PIKFYVE: variants seen among roughly 807,000 people sequenced by gnomAD.
The protein encoded by PIKFYVE is 1-phosphatidylinositol 3-phosphate 5-kinase.
PIKFYVE carries 122 observed loss-of-function variants against 257.9 expected under a neutral mutation model. That is an observed-to-expected ratio of 0.47 (90% CI 0.41 to 0.55). The LOEUF (loss-of-function observed/expected upper bound fraction) is 0.55. PIKFYVE is among the 20% of genes least tolerant of loss of function. The probability of loss-of-function intolerance (pLI) is 0.00; values close to 1 mark genes in which losing one functional copy is unlikely to be tolerated. For synonymous variants in PIKFYVE, 892 were observed against 868.9 expected, an observed-to-expected ratio of 1.03 and a Z score of -0.47; for missense variants, 2,160 against 2,536.6, an observed-to-expected ratio of 0.85 and a Z score of 3.19.
intron 11 of PIKFYVE, 108 bp downstream of exon 11, chr2:208,304,426 C>T: frequency 7.1e-7 from 1 of 1,415,438 alleles, no homozygotes; most frequent in Non-Finnish European, 9.8e-7. Context: ...ATTTATGGCT[C>T]CAACTAAATG....
intron 4 of PIKFYVE, 55 bp downstream of exon 4, chr2:208,276,885 C>T (rs1241185627): frequency 2.8e-6 from 4 of 1,425,938 alleles, no homozygotes; most frequent in Non-Finnish European, 3.9e-6. Context: ...GGGATCATGC[C>T]ATACCTAATG....
intron 5 of PIKFYVE, among the ~76,000 whole-genome samples, chr2:208,278,210 A>G (rs182766797): frequency 8.5e-5 from 13 of 152,292 alleles, no homozygotes; most frequent in African/African-American, 3.1e-4. Context: ...GGAGTAGAAG[A>G]TAGTCAGAAA....
chr2:208,335,373 CCATTAAAAGTGTCCCTT>C lies in PIKFYVE; in HGVS notation c.4212_4228del (p.Leu1405SerfsTer18), dbSNP rs1698016077. 1 of 1,612,536 alleles carries C rather than the reference CCATTAAAAGTGTCCCTT, an allele frequency of 6.2e-7. No individual in the cohort carries two copies. Among genetic ancestry groups the C allele is most frequent in the Admixed American group, 1.7e-5 (1 of 59,988 alleles). Reference sequence around the variant, plus strand: ...CAAAATATTCATTAAGCGTCAGGCCCCATTAAAAGTGTCCCTTCTTCAGGATCTGAAGGACTTCTTTC... The same window carrying C: ...CAAAATATTCATTAAGCGTCAGGCCCCTTCAGGATCTGAAGGACTTCTTTC... On this transcript the variant is annotated frameshift_variant, in exon 25 of 42. Coordinates refer to ENST00000264380, the MANE Select transcript of PIKFYVE (RefSeq NM_015040.4). LOFTEE classifies it high-confidence loss of function.
At chr2:208,330,371 C>T (rs1697395386) in intron 22 of PIKFYVE, 152 bp from the exon 23 acceptor site, 2 of 868,830 alleles carry the variant, frequency 2.3e-6, no homozygotes, top group Non-Finnish European at 3.7e-6. Flanking sequence ...TGGAAACTAT[C>T]ACCGTGCTGT....
At chr2:208,319,312 T>C (rs914403177) in intron 16 of PIKFYVE, among the ~76,000 whole-genome samples, 1 of 152,262 alleles carries the variant, frequency 6.6e-6, no homozygotes, top group African/African-American at 2.4e-5. Context: ...TTTGTACTTA[T>C]CGCGTATTTT....
Position 208,276,579 on chromosome 2 carries a change from C to T in PIKFYVE, c.323-133C>T, listed in dbSNP as rs913025256. 5.3e-6 allele frequency: 4 copies of T among 761,416 alleles called. No individual in the cohort carries two copies. The African/African-American group carries it at 6.9e-5, about 13-fold the overall frequency. The allele number at this position is 761,416 out of a possible 1,614,324, so 47.2% of individuals were successfully genotyped here. A position where few individuals can be genotyped will look rare whatever the true frequency, so the allele number is the denominator to read the frequency against. ...CCTTATAAAGACTTGTTTTAACTCT[C>T]AATTCATATAACCGGGTGGGAGAAC... On this transcript the variant is annotated intron_variant, in intron 3 of 41. Transcript: ENST00000264380.
chr2:208,324,167 T>G lies in PIKFYVE; in HGVS notation c.2216T>G (p.Val739Gly). The change falls in exon 18 of 42, where the codon GTC becomes GGC. Residue 739 changes from valine (V) to glycine (G), a missense_variant. Transcript: ENST00000264380. ...GAAAGGGAATTCTTGAAGAATTATG[T>G]CCAGCGAATAGTTGATGTTCGACCC... ...LQEREFLKNY[V>G]QRIVDVRPTL... 6.2e-7 allele frequency: 1 copy of G among 1,613,840 alleles called. No individual in the cohort carries two copies. Among genetic ancestry groups the G allele is most frequent in the South Asian group, 1.1e-5 (1 of 91,078 alleles).
In PIKFYVE at chr2:208,324,221, C is replaced by T; in HGVS notation, c.2270C>T (p.Ser757Phe). ...PTLVLVEKTV[S>F]RIAQDMLLEH... is the part of the protein sequence containing the mutation. Reference sequence around the variant, plus strand: ...TTGGTTCTTGTTGAGAAAACAGTGTCTCGGATTGCCCAGGACATGTTATTG... The same window carrying T: ...TTGGTTCTTGTTGAGAAAACAGTGTTTCGGATTGCCCAGGACATGTTATTG... The change falls in exon 18 of 42, where the codon TCT becomes TTT. Residue 757 changes from serine to phenylalanine, a missense_variant. By Grantham distance (155) the Ser-to-Phe change is radical. This residue lies in a region of PIKFYVE where 346 missense variants were observed against 365.6 expected (regional missense o/e 0.95). Coordinates refer to ENST00000264380, the MANE Select transcript of PIKFYVE (RefSeq NM_015040.4). 1 of 1,613,954 alleles carries T rather than the reference C, an allele frequency of 6.2e-7. No individual in the cohort carries two copies. The highest frequency in any genetic ancestry group is 8.5e-7 in the Non-Finnish European group (1 of 1,179,934).
At chr2:208,288,009 A>G (rs967194902) in intron 6 of PIKFYVE, among the ~76,000 whole-genome samples, 16 of 152,322 alleles carry the variant, frequency 1.1e-4, no homozygotes, top group African/African-American at 3.8e-4. Flanking sequence ...AACAATATGA[A>G]GTATAGAGTT....
Position 208,285,885 on chromosome 2 carries a change from G to C in PIKFYVE, c.773G>C (p.Arg258Thr). Reference sequence around the variant, plus strand: ...GAACCCCGAACACCTGTTGGGAGTAGGAAAGCCAGCCGTAACATATTTTTA... The same window carrying C: ...GAACCCCGAACACCTGTTGGGAGTACGAAAGCCAGCCGTAACATATTTTTA... ...PSEPRTPVGSRKASRNIFLED... is the reference protein window; with the variant it reads ...PSEPRTPVGSTKASRNIFLED... The change falls in exon 6 of 42, where the codon AGG (arginine) becomes ACG (threonine). Residue 258 changes from arginine (R) to threonine (T), a missense_variant. Transcript: ENST00000264380. 1 of 1,614,138 alleles carries C rather than the reference G, an allele frequency of 6.2e-7. No individual in the cohort carries two copies. Among genetic ancestry groups the C allele is most frequent in the Non-Finnish European group, 8.5e-7 (1 of 1,180,022 alleles).
At chr2:208,266,791 G>T (rs1688693355) in intron 1 of PIKFYVE, among the ~76,000 whole-genome samples, 1 of 152,194 alleles carries the variant, frequency 6.6e-6, no homozygotes, top group African/African-American at 2.4e-5. Flanking sequence ...AGGCGCATCC[G>T]TAGGCTGGAA....
chr2:208,292,827 G>A (rs2125235520), intron 7 of PIKFYVE, among the ~76,000 whole-genome samples: 1 of 151,972 alleles, frequency 6.6e-6, no homozygotes, highest in South Asian at 2.1e-4. Context: ...GTTTCTTGTA[G>A]ACAATGTATT....
chr2:208,301,862 T>C (rs911990499), intron 9 of PIKFYVE, among the ~76,000 whole-genome samples: 27 of 152,262 alleles, frequency 1.8e-4, no homozygotes, highest in African/African-American at 6.5e-4. Flanking sequence ...CACACACACA[T>C]TTTATGGCTG....
chr2:208,319,387 TTTAAAGGAGA>T (rs1695940952), intron 16 of PIKFYVE, among the ~76,000 whole-genome samples: 1 of 152,244 alleles, frequency 6.6e-6, no homozygotes. Context: ...CACATTACCC[TTTAAAGGAGA>T]ACTTTAAACC....
In PIKFYVE at chr2:208,315,211, C is replaced by G; in HGVS notation, c.1845C>G (p.His615Gln). ...TTTGTAGTTCAGCTAATCATAACCA[C>G]ATGATGGCACTACTCCAGCAGTTGC... The part of the protein sequence containing the change: ...MERLLSANHN[H>Q]MMALLQQLLH... Residue 615 changes from histidine to glutamine, a missense_variant, in exon 15 of 42, where the codon CAC (histidine) becomes CAG (glutamine). Physicochemically the swap from His to Gln is conservative, Grantham distance 24 (BLOSUM62 0). This residue lies in a region of PIKFYVE where 346 missense variants were observed against 365.6 expected (regional missense o/e 0.95). Coordinates refer to ENST00000264380, the MANE Select transcript of PIKFYVE (RefSeq NM_015040.4). 1 of 1,613,870 alleles carries G rather than the reference C, an allele frequency of 6.2e-7. No individual in the cohort carries two copies. Among genetic ancestry groups the G allele is most frequent in the Non-Finnish European group, 8.5e-7 (1 of 1,179,788 alleles).
At chr2:208,329,129 C>CT (rs1697244008) in intron 21 of PIKFYVE, among the ~76,000 whole-genome samples, 1 of 152,118 alleles carries the variant, frequency 6.6e-6, no homozygotes, top group Non-Finnish European at 1.5e-5. Flanking sequence ...CATACATAGC[C>CT]TTACATTACA....
At chr2:208,276,854 A>G in intron 4 of PIKFYVE, 24 bp downstream of exon 4, 4 of 1,576,022 alleles carry the variant, frequency 2.5e-6, no homozygotes, top group Non-Finnish European at 3.5e-6. Flanking sequence ...GCTTTGGAAG[A>G]TTACTTATTA....
At chr2:208,290,756 G>A (rs1692211858) in intron 7 of PIKFYVE, among the ~76,000 whole-genome samples, 1 of 152,110 alleles carries the variant, frequency 6.6e-6, no homozygotes, top group African/African-American at 2.4e-5. Context: ...AGTTCCTGTT[G>A]TTTCACATCC....
chr2:208,303,111 G>T (rs969339864), intron 10 of PIKFYVE, among the ~76,000 whole-genome samples: 1 of 151,620 alleles, frequency 6.6e-6, no homozygotes, highest in African/African-American at 2.4e-5. Context: ...GAAAAACAAT[G>T]GTATACTGAT....
Sources: allele counts gnomAD v4.1 joint callset (sites outside exome capture counted in the v4.1 genomes callset), GRCh38; gene constraint gnomAD v4.1.1; regional missense constraint gnomAD v4.1.1; transcripts MANE v1.5; gene names NCBI Gene and HGNC (gene_info 2026-07-23, HGNC 2026-07-21).